Variants in SIPA1L3 observed in about 807,000 individuals in gnomAD.
SIPA1L3 encodes signal-induced proliferation-associated 1-like protein 3.
A neutral mutation model predicts 150.1 loss-of-function variants in SIPA1L3; 59 were observed. The ratio of observed to expected loss-of-function variants is 0.39; its 90% CI spans 0.32 to 0.49. SIPA1L3 has a LOEUF of 0.49. Ranked by LOEUF, SIPA1L3 falls within the 20% of genes least tolerant of loss-of-function variation. SIPA1L3 has a pLI of 0.86. For missense variants in SIPA1L3, 2,211 were observed against 2,489.5 expected (o/e 0.89, Z 2.38); for synonymous variants, 1,070 against 1,077.6 (o/e 0.99, Z 0.14).
At chr19:38,023,532 A>G (rs1277651108) in intron 1 of SIPA1L3, among the ~76,000 whole-genome samples, 1 of 152,214 alleles carries the variant, frequency 6.6e-6, no homozygotes, top group African/African-American at 2.4e-5. Context: ...GAATGAACAG[A>G]TATTTCCCTA....
intron 2 of SIPA1L3, among the ~76,000 whole-genome samples, chr19:38,040,783 C>T (rs866511550): frequency 8.5e-5 from 13 of 152,154 alleles, no homozygotes; most frequent in African/African-American, 2.7e-4. Flanking sequence ...TTTTTTGAGT[C>T]GGAGTCTCGC....
chr19:38,182,387 A>G (rs554335491), intron 15 of SIPA1L3, 132 bp from the exon 16 acceptor site: 1 of 707,678 alleles, frequency 1.4e-6, no homozygotes, highest in South Asian at 1.8e-5. Context: ...AATTTTCCAC[A>G]GCGGTAATAT....
Position 37,982,819 on chromosome 19 carries a change from G to C in SIPA1L3, c.-378-46270G>C, listed in dbSNP as rs77677456. Among the ~76,000 whole-genome samples the C allele has an allele frequency of 3.9e-5, 6 of 152,234 alleles. No homozygotes were observed. In the East Asian group the frequency reaches 1.2e-3, roughly 29 times the overall value. On this transcript the variant is annotated intron_variant, in intron 1 of 21. Transcript: ENST00000222345. ...GGGGCTGGACAACCTGGGCTTTCCC[G>C]GTGTGACCTGTGGCAGCCAGAAAGA...
chr19:38,018,432 G>A (rs781129384), intron 1 of SIPA1L3, among the ~76,000 whole-genome samples: 3 of 152,092 alleles, frequency 2.0e-5, no homozygotes, highest in Non-Finnish European at 4.4e-5. Context: ...GATTACAGGC[G>A]TGAGCCACCA....
At chr19:37,949,837 G>C (rs2046745910) in intron 1 of SIPA1L3, among the ~76,000 whole-genome samples, 1 of 152,108 alleles carries the variant, frequency 6.6e-6, no homozygotes, top group Admixed American at 6.5e-5. Flanking sequence ...CCAGCACTTT[G>C]GGAGGCCAAG....
Position 38,184,120 on chromosome 19 carries a change from C to T in SIPA1L3, c.4430+1380C>T, listed in dbSNP as rs1208894927. Among the ~76,000 whole-genome samples the T allele has an allele frequency of 2.0e-5, 3 of 152,090 alleles. No homozygotes were observed. In the East Asian group the frequency reaches 5.8e-4, roughly 29 times the overall value. ...AGGTTCAGTTCTAAGTGGTTTGATG[C>T]GAATGAATTTACTGGATCCCACAAC... On this transcript the variant is annotated intron_variant, in intron 16 of 21. Transcript: ENST00000222345.
intron 1 of SIPA1L3, among the ~76,000 whole-genome samples, chr19:37,962,175 A>G (rs979401766): frequency 6.9e-6 from 1 of 145,930 alleles, no homozygotes; most frequent in Non-Finnish European, 1.5e-5. Flanking sequence ...ACAGAGTCTA[A>G]CTCTGTTGCC....
At chr19:38,057,081 G>T (rs1969333823) in intron 2 of SIPA1L3, among the ~76,000 whole-genome samples, 1 of 152,064 alleles carries the variant, frequency 6.6e-6, no homozygotes, top group Admixed American at 6.6e-5. Context: ...GACCAGTCTG[G>T]CCAACATGGC....
chr19:38,152,843 C>T lies in SIPA1L3; in HGVS notation c.3537C>T (p.Tyr1179=), dbSNP rs1331141938. The change falls in exon 13 of 22, where the codon TAC becomes TAT. Residue 1179 remains tyrosine (Y), a synonymous_variant. Transcript: ENST00000222345. ...YVRYKPSPER[Y]TAAPHPLLSL... ...ACGTTCTTCTCATCCCCTGCAGGTA[C>T]ACGGCTGCCCCACACCCCCTGCTAT... 3 of 1,609,544 alleles carry T rather than the reference C, an allele frequency of 1.9e-6. No individual in the cohort carries two copies.
At chr19:38,147,114 T>G (rs911515308) in intron 12 of SIPA1L3, among the ~76,000 whole-genome samples, 1 of 152,026 alleles carries the variant, frequency 6.6e-6, no homozygotes, top group African/African-American at 2.4e-5. Context: ...CAAGCCGGAG[T>G]GCAGTGGTGT....
intron 1 of SIPA1L3, among the ~76,000 whole-genome samples, chr19:37,994,882 G>C (rs1358297300): frequency 6.6e-6 from 1 of 152,188 alleles, no homozygotes. Flanking sequence ...TCCTGGAGGA[G>C]ACAAGCTCCA....
At chr19:37,949,557 C>T (rs2046742740) in intron 1 of SIPA1L3, among the ~76,000 whole-genome samples, 1 of 151,984 alleles carries the variant, frequency 6.6e-6, no homozygotes, top group African/African-American at 2.4e-5. Context: ...CCCAGCTATT[C>T]CGGAGATTGA....
intron 8 of SIPA1L3, among the ~76,000 whole-genome samples, chr19:38,118,280 C>T (rs566010321): frequency 3.3e-4 from 50 of 151,948 alleles, no homozygotes; most frequent in African/African-American, 1.0e-3. Context: ...ACAAAATTAC[C>T]CAGGCGTGGT....
intron 2 of SIPA1L3, among the ~76,000 whole-genome samples, chr19:38,053,713 C>T (rs963562216): frequency 2.6e-5 from 4 of 152,054 alleles, no homozygotes; most frequent in Admixed American, 6.5e-5. Flanking sequence ...TGTGCCAACA[C>T]GCCCAGCTAA....
chr19:38,203,505 T>C (rs1171839453), intron 20 of SIPA1L3, among the ~76,000 whole-genome samples: 1 of 152,220 alleles, frequency 6.6e-6, no homozygotes, highest in Non-Finnish European at 1.5e-5. Flanking sequence ...TGGGAGGATC[T>C]GCAGAGGGGC....
At chr19:37,951,057 G>A (rs550084843) in intron 1 of SIPA1L3, among the ~76,000 whole-genome samples, 5 of 152,312 alleles carry the variant, frequency 3.3e-5, no homozygotes, top group East Asian at 3.9e-4. Flanking sequence ...CCTCCATCCC[G>A]TCCGTTCACT....
At chr19:38,099,812 G>C in intron 4 of SIPA1L3, 150 bp from the exon 5 acceptor site, 1 of 621,818 alleles carries the variant, frequency 1.6e-6, no homozygotes, top group East Asian at 3.4e-5. Flanking sequence ...GCAGGTTCAA[G>C]TTCTGGCTCA....
intron 1 of SIPA1L3, among the ~76,000 whole-genome samples, chr19:37,962,217 C>T (rs1306498367): frequency 4.0e-5 from 6 of 149,626 alleles, no homozygotes; most frequent in African/African-American, 1.2e-4. Flanking sequence ...GATTTTGGCT[C>T]ACTGCAACCT....
intron 1 of SIPA1L3, among the ~76,000 whole-genome samples, chr19:38,018,874 G>A (rs553940825): frequency 6.6e-6 from 1 of 152,154 alleles, no homozygotes; most frequent in East Asian, 1.9e-4. Flanking sequence ...ACCCCACACA[G>A]TGTCCAGAGT....
Sources: allele counts gnomAD v4.1 joint callset (sites outside exome capture counted in the v4.1 genomes callset), GRCh38; gene constraint gnomAD v4.1.1; transcripts MANE v1.5; gene names NCBI Gene and HGNC (gene_info 2026-07-23, HGNC 2026-07-21).